Variants in TMEM268 observed in about 807,000 individuals in gnomAD.
The protein encoded by TMEM268 is transmembrane protein C9orf91.
Under a neutral mutation model 39.1 loss-of-function variants are expected in TMEM268, and 24 were observed. The observed-to-expected ratio is 0.61, with a 90% confidence interval of 0.44 to 0.86. The LOEUF is 0.86. Among genes scored for constraint, TMEM268 ranks in the 40% least tolerant of loss-of-function variants. The pLI, the probability that TMEM268 is intolerant of heterozygous loss-of-function variation, is 0.00. For missense variants in TMEM268, 409 were observed against 428.6 expected, an observed-to-expected ratio of 0.95 and a Z score of 0.40; for synonymous variants, 176 against 173.5, an observed-to-expected ratio of 1.01 and a Z score of -0.12.
chr9:114,643,761 T>C lies in TMEM268; in HGVS notation c.*448T>C, dbSNP rs1827454139. The C allele has an allele frequency of 1.3e-5, 2 of 155,420 alleles. No homozygotes were observed. Among genetic ancestry groups the C allele is most frequent in the African/African-American group, 4.8e-5 (2 of 41,562 alleles). 9.6% of individuals were successfully genotyped at this position (155,420 alleles called of 1,614,324 possible). A position where few individuals can be genotyped will look rare whatever the true frequency, so the allele number is the denominator to read the frequency against. ...GGAAACTGAGGCTCAGAGAGGATAC[T>C]GCTCTATGTGGCATTGCCTTGAACC... On this transcript the variant is annotated 3_prime_UTR_variant, in exon 9 of 9. Transcript: ENST00000288502.
the TMEM268 span, among the ~76,000 whole-genome samples, chr9:114,603,912 T>G: frequency 6.6e-6 from 1 of 152,160 alleles, no homozygotes; most frequent in Non-Finnish European, 1.5e-5. Flanking sequence ...CCTCCCAAAG[T>G]GCTGGGATTA....
rs1334049524 is a variant in TMEM268 at position 114,628,103 on chromosome 9, T to A, written c.327T>A (p.Val109=). 6.2e-7 allele frequency: 1 copy of A among 1,612,874 alleles called. No homozygotes were observed. The highest frequency in any genetic ancestry group is 8.5e-7 in the Non-Finnish European group (1 of 1,178,902). Residue 109 remains valine, a splice_region_variant and synonymous_variant, in exon 5 of 9, where the codon GTT becomes GTA. Coordinates refer to ENST00000288502, the MANE Select transcript of TMEM268 (RefSeq NM_153045.4). ...SRPMRLAFAV[V]FYVVVWANIY... ...GCTCTCTGTCTGGCATCTTGCAGGT[T>A]TTCTATGTGGTGGTGTGGGCCAATA...
In TMEM268 at chr9:114,626,966, T is replaced by A. The variant is rs1257932068; in HGVS notation, c.284T>A (p.Ile95Asn). The change falls in exon 4 of 9, where the codon ATC becomes AAC. Residue 95 changes from isoleucine (I) to asparagine (N), a missense_variant. Coordinates refer to ENST00000288502, the MANE Select transcript of TMEM268 (RefSeq NM_153045.4). The stretch of plus-strand genomic sequence containing the variant: ...TTGGAGCCCCAAGTGAGAAGATATA[T>A]CATCTACAACTCGAGGCCTATGCGG... ...ALLEPQVRRYIIYNSRPMRLA... is the reference protein window; with the variant it reads ...ALLEPQVRRYNIYNSRPMRLA... 11 of 1,613,508 alleles carry A rather than the reference T, an allele frequency of 6.8e-6. No individual in the cohort carries two copies. Among genetic ancestry groups the A allele is most frequent in the Non-Finnish European group, 9.3e-6 (11 of 1,179,630 alleles).
chr9:114,624,383 G>A lies in TMEM268; in HGVS notation c.140G>A (p.Arg47Gln), dbSNP rs148113163. Residue 47 changes from arginine (R) to glutamine (Q), a missense_variant, in exon 3 of 9, where the codon CGG becomes CAG. Transcript: ENST00000288502. ...AATGGCCAGGTCCTCACTGTTCTCC[G>A]GATTGACAATACCTGTGCACCCATC... ...LHNGQVLTVL[R>Q]IDNTCAPISF... 39 of 1,603,870 alleles carry A rather than the reference G, an allele frequency of 2.4e-5. No individual in the cohort carries two copies. The highest frequency in any genetic ancestry group is 5.3e-5 in the African/African-American group (4 of 74,804).
chr9:114,643,001 C>A, intron 8 of TMEM268, 133 bp from the exon 9 acceptor site: 1 of 878,808 alleles, frequency 1.1e-6, no homozygotes, highest in Non-Finnish European at 1.8e-6. Flanking sequence ...GCTGACCTGG[C>A]CTGGTTCTTC....
At chr9:114,640,128 AAAGAG>A (rs989358883) in intron 8 of TMEM268, among the ~76,000 whole-genome samples, 1 of 145,876 alleles carries the variant, frequency 6.9e-6, no homozygotes, top group Admixed American at 6.8e-5. Context: ...TTTTTTTTTT[AAAGAG>A]AAGAGATTGA....
At chr9:114,636,693 G>A (rs1039110368) in intron 6 of TMEM268, among the ~76,000 whole-genome samples, 1 of 151,992 alleles carries the variant, frequency 6.6e-6, no homozygotes, top group Non-Finnish European at 1.5e-5. Flanking sequence ...GTAGAGATGG[G>A]TTTCACCATG....
At chr9:114,609,735 G>A (rs1306934932), upstream of TMEM268, among the ~76,000 whole-genome samples, 198 of 78,742 alleles carry the variant, frequency 2.5e-3, 1 homozygote, top group African/African-American at 0.012. Flanking sequence ...GAAAAAGAAG[G>A]AAGGAAGGAA....
chr9:114,616,038 C>T (rs377410510), intron 1 of TMEM268, among the ~76,000 whole-genome samples: 10 of 123,818 alleles, frequency 8.1e-5, no homozygotes, highest in African/African-American at 1.6e-4. Flanking sequence ...TTTTTTGAGA[C>T]GGAGTCTTGC....
intron 3 of TMEM268, 67 bp from the exon 4 acceptor site, chr9:114,626,831 GA>G: frequency 1.7e-6 from 2 of 1,187,790 alleles, no homozygotes; most frequent in Non-Finnish European, 2.5e-6. Flanking sequence ...CCTTCCACAT[GA>G]TAGTCACATG....
At chr9:114,609,420 G>A (rs1004426321), upstream of TMEM268, among the ~76,000 whole-genome samples, 1 of 152,206 alleles carries the variant, frequency 6.6e-6, no homozygotes, top group Non-Finnish European at 1.5e-5. Context: ...TGTAATCCCA[G>A]CACTTTGGGA....
At chr9:114,638,260 T>C (rs995492960) in intron 7 of TMEM268, among the ~76,000 whole-genome samples, 8 of 152,220 alleles carry the variant, frequency 5.3e-5, no homozygotes, top group Non-Finnish European at 1.0e-4. Context: ...CAGGCCGGTC[T>C]TGAACTCCTA....
intron 1 of TMEM268, among the ~76,000 whole-genome samples, chr9:114,616,170 C>T (rs571000544): frequency 6.6e-6 from 1 of 151,658 alleles, no homozygotes; most frequent in South Asian, 2.1e-4. Flanking sequence ...CTCCCACCAC[C>T]ACGCCTGGCT....
the TMEM268 span, among the ~76,000 whole-genome samples, chr9:114,604,934 G>A: frequency 6.6e-6 from 1 of 152,188 alleles, no homozygotes; most frequent in South Asian, 2.1e-4. Context: ...AGTCCCATCA[G>A]ATCAGCCTGC....
upstream of TMEM268, among the ~76,000 whole-genome samples, chr9:114,609,974 G>A (rs1411845770): frequency 6.6e-6 from 1 of 152,056 alleles, no homozygotes; most frequent in South Asian, 2.1e-4. Flanking sequence ...TGTCCACTAA[G>A]AAAGAAGGGT....
rs540630155 is a variant in TMEM268 at position 114,638,834 on chromosome 9, A to G, written c.849+108A>G. 11 of 736,022 alleles carry G rather than the reference A, an allele frequency of 1.5e-5. No homozygotes were observed. The East Asian group carries it at 3.6e-4, about 24-fold the overall frequency. 45.6% of individuals were successfully genotyped at this position (736,022 alleles called of 1,614,324 possible). ...TCCCCAAGACATGCTTCTCTCAGTT[A>G]GTAGACACCACACAAATCTAGCTCA... is the stretch of plus-strand genomic sequence containing the variant. On this transcript the variant is annotated intron_variant, in intron 8 of 8. Coordinates refer to ENST00000288502, the MANE Select transcript of TMEM268 (RefSeq NM_153045.4).
upstream of TMEM268, among the ~76,000 whole-genome samples, chr9:114,607,332 C>T (rs1454329548): frequency 1.3e-5 from 2 of 152,060 alleles, no homozygotes; most frequent in Non-Finnish European, 2.9e-5. Flanking sequence ...ATGACAATAC[C>T]ATGTGATGGG....
chr9:114,635,955 A>T (rs1172750016), intron 6 of TMEM268, among the ~76,000 whole-genome samples: 1 of 152,184 alleles, frequency 6.6e-6, no homozygotes, highest in Non-Finnish European at 1.5e-5. Context: ...TAAAGGAACC[A>T]TTTGAGAAAT....
chr9:114,630,329 C>A (rs1846342821), intron 5 of TMEM268, among the ~76,000 whole-genome samples: 1 of 141,674 alleles, frequency 7.1e-6, no homozygotes, highest in African/African-American at 2.6e-5. Flanking sequence ...ACAGGTCTTA[C>A]TCTGTGCCAG....
Sources: allele counts gnomAD v4.1 joint callset (sites outside exome capture counted in the v4.1 genomes callset), GRCh38; gene constraint gnomAD v4.1.1; transcripts MANE v1.5; gene names NCBI Gene and HGNC (gene_info 2026-07-23, HGNC 2026-07-21).